The following ATF7IP variants were observed in gnomAD, a reference collection of about 807,000 sequenced individuals.
ATF7IP encodes activating transcription factor 7 interacting protein, also known as activating transcription factor 7-interacting protein 1.
ATF7IP carries 23 observed loss-of-function variants against 106.4 expected under a neutral mutation model. The observed-to-expected ratio is 0.22, with a 90% confidence interval of 0.16 to 0.31. ATF7IP has a LOEUF of 0.31. ATF7IP is among the 10% of genes least tolerant of loss of function. The pLI is 1.00. For synonymous variants in ATF7IP, 542 were observed against 539.0 expected (o/e 1.01, Z -0.08); for missense variants, 1,334 against 1,524.3 (o/e 0.88, Z 2.08).
At chr12:14,479,779 T>G (rs1347927021) in intron 12 of ATF7IP, among the ~76,000 whole-genome samples, 2 of 152,168 alleles carry the variant, frequency 1.3e-5, no homozygotes, top group East Asian at 1.9e-4. Context: ...CCTATGTGAC[T>G]TTATTTCTGG....
chr12:14,473,643 T>C (rs374763766), intron 10 of ATF7IP, among the ~76,000 whole-genome samples: 7 of 152,208 alleles, frequency 4.6e-5, no homozygotes, highest in African/African-American at 1.7e-4. Context: ...ATGATCCAAG[T>C]TGGTATTTCC....
At position 14,377,071 on chromosome 12, in the gene ATF7IP, T is replaced by C. The variant is rs572969210; in HGVS notation, c.-8+11244T>C. ...ATGCAGTGGCATGATCTTGGCTCAC[T>C]GCAACCTCTACCTCCCAGACTCAGG... On this transcript the variant is annotated intron_variant, in intron 1 of 14. Coordinates refer to ENST00000261168, the MANE Select transcript of ATF7IP (RefSeq NM_018179.5). Among the ~76,000 whole-genome samples the C allele has an allele frequency of 3.3e-5, 5 of 152,128 alleles. No individual in the cohort carries two copies. The East Asian group carries it at 9.7e-4, about 29-fold the overall frequency.
chr12:14,400,751 T>C (rs1218662934), intron 1 of ATF7IP, among the ~76,000 whole-genome samples: 1 of 152,184 alleles, frequency 6.6e-6, no homozygotes, highest in Non-Finnish European at 1.5e-5. Flanking sequence ...TCCTTAAAAA[T>C]GGATGTGACA....
At chr12:14,445,989 A>C (rs940314925) in intron 5 of ATF7IP, among the ~76,000 whole-genome samples, 21 of 152,094 alleles carry the variant, frequency 1.4e-4, no homozygotes, top group African/African-American at 4.6e-4. Flanking sequence ...TGAAATGATA[A>C]TTTTTATTTT....
intron 1 of ATF7IP, among the ~76,000 whole-genome samples, chr12:14,409,594 C>G (rs1218796008): frequency 6.6e-6 from 1 of 151,750 alleles, no homozygotes; most frequent in Non-Finnish European, 1.5e-5. Context: ...TATTTTATGC[C>G]CATTACTGCA....
At chr12:14,393,717 T>A (rs1201120116) in intron 1 of ATF7IP, among the ~76,000 whole-genome samples, 5 of 152,214 alleles carry the variant, frequency 3.3e-5, no homozygotes, top group Non-Finnish European at 7.4e-5. Context: ...GTACTTCTTT[T>A]CATTTTGTTA....
intron 6 of ATF7IP, among the ~76,000 whole-genome samples, chr12:14,452,435 C>G (rs940836760): frequency 1.3e-5 from 2 of 151,574 alleles, no homozygotes; most frequent in African/African-American, 4.8e-5. Context: ...CTTTGTGTTT[C>G]ATTGCTTTTT....
At chr12:14,446,755 C>G (rs1942978902) in intron 5 of ATF7IP, among the ~76,000 whole-genome samples, 1 of 152,108 alleles carries the variant, frequency 6.6e-6, no homozygotes, top group Non-Finnish European at 1.5e-5. Context: ...AATAGGCTAA[C>G]CTAATTAAGA....
chr12:14,497,930 T>C lies in ATF7IP; in HGVS notation c.3670T>C (p.Leu1224=). ...GATTGGGGAAGTCAAGGCACTTCCC[T>C]TGCCCATGGCATGTACTCTCACCCA... ...KKIGEVKALP[L]PMACTLTQFV... is the part of the protein sequence containing the mutation. Residue 1224 remains leucine, a synonymous_variant, in exon 15 of 15, where the codon TTG becomes CTG. Transcript: ENST00000261168. 1 of 1,614,222 alleles carries C rather than the reference T, an allele frequency of 6.2e-7. No homozygotes were observed. The highest frequency in any genetic ancestry group is 8.5e-7 in the Non-Finnish European group (1 of 1,180,028).
intron 13 of ATF7IP, among the ~76,000 whole-genome samples, chr12:14,489,796 CAG>C (rs1396505749): frequency 6.6e-6 from 1 of 152,148 alleles, no homozygotes; most frequent in African/African-American, 2.4e-5. Context: ...CTCAGCCGTA[CAG>C]TGAGTGCCTT....
intron 13 of ATF7IP, among the ~76,000 whole-genome samples, chr12:14,486,734 C>G (rs577298453): frequency 9.3e-4 from 142 of 152,298 alleles, no homozygotes; most frequent in Non-Finnish European, 1.7e-3. Flanking sequence ...CTACGCCCAC[C>G]TTGCCTTTGA....
chr12:14,396,767 T>C (rs2136450371), intron 1 of ATF7IP, among the ~76,000 whole-genome samples: 1 of 152,250 alleles, frequency 6.6e-6, no homozygotes, highest in South Asian at 2.1e-4. Context: ...AACAGGAATT[T>C]ATTGAATGCT....
intron 11 of ATF7IP, 145 bp from the exon 12 acceptor site, chr12:14,478,172 G>T (rs1032722454): frequency 1.1e-5 from 8 of 745,070 alleles, no homozygotes; most frequent in African/African-American, 1.8e-5. Flanking sequence ...AAAAATACAC[G>T]TAAGTAAAAT....
chr12:14,423,410 G>A (rs1941639222), intron 1 of ATF7IP, among the ~76,000 whole-genome samples: 1 of 151,768 alleles, frequency 6.6e-6, no homozygotes, highest in African/African-American at 2.4e-5. Flanking sequence ...GTAATCTTTT[G>A]TTAATATGTT....
At chr12:14,471,493 A>G (rs1308771884) in intron 10 of ATF7IP, among the ~76,000 whole-genome samples, 1 of 152,178 alleles carries the variant, frequency 6.6e-6, no homozygotes, top group African/African-American at 2.4e-5. Context: ...ATCATTATAA[A>G]GTTTCCCTCT....
At chr12:14,410,463 C>T (rs954413061) in intron 1 of ATF7IP, among the ~76,000 whole-genome samples, 2 of 152,084 alleles carry the variant, frequency 1.3e-5, no homozygotes, top group African/African-American at 2.4e-5. Flanking sequence ...CAATGTTTGT[C>T]TTAAAGTCAC....
chr12:14,431,409 T>G (rs896254312), intron 2 of ATF7IP, among the ~76,000 whole-genome samples: 2 of 151,830 alleles, frequency 1.3e-5, no homozygotes, highest in African/African-American at 4.8e-5. Flanking sequence ...TTTTTTTTTT[T>G]TTTGAGATGG....
chr12:14,383,710 A>T (rs1291706666), intron 1 of ATF7IP, among the ~76,000 whole-genome samples: 1 of 152,048 alleles, frequency 6.6e-6, no homozygotes, highest in Non-Finnish European at 1.5e-5. Flanking sequence ...ATATTACCAC[A>T]CCTGCTAATG....
chr12:14,427,405 C>G (rs1941911747), intron 2 of ATF7IP, among the ~76,000 whole-genome samples: 1 of 151,972 alleles, frequency 6.6e-6, no homozygotes, highest in East Asian at 1.9e-4. Flanking sequence ...CTCTGTTGCC[C>G]CGGCTGGAGT....
Sources: allele counts gnomAD v4.1 joint callset (sites outside exome capture counted in the v4.1 genomes callset), GRCh38; gene constraint gnomAD v4.1.1; transcripts MANE v1.5; gene names NCBI Gene and HGNC (gene_info 2026-07-23, HGNC 2026-07-21).